The following CRADD variants were observed in gnomAD, a reference collection of about 807,000 sequenced individuals.
CRADD encodes the protein death domain-containing protein CRADD.
Under a neutral mutation model 15.5 loss-of-function variants are expected in CRADD, and 9 were observed. That is an observed-to-expected ratio of 0.58 (90% CI 0.35 to 1.01). The LOEUF (loss-of-function observed/expected upper bound fraction) is 1.01. Ranked by LOEUF, CRADD falls within the 50% of genes least tolerant of loss-of-function variation. The pLI, the probability that CRADD is intolerant of heterozygous loss-of-function variation, is 0.02. For synonymous variants in CRADD, 118 were observed against 107.6 expected (o/e 1.10, Z -0.60); for missense variants, 227 against 250.3 (o/e 0.91, Z 0.63).
intron 2 of CRADD, among the ~76,000 whole-genome samples, chr12:93,858,341 T>A (rs1237164519): frequency 6.6e-6 from 1 of 152,170 alleles, no homozygotes; most frequent in African/African-American, 2.4e-5. Context: ...TATGGGAGCA[T>A]GACGAAGGAC....
intron 2 of CRADD, chr12:93,836,257 A>G (rs1957971651): frequency 6.6e-6 from 1 of 152,228 alleles, no homozygotes; most frequent in Admixed American, 6.5e-5. Flanking sequence ...TGAATCTCTT[A>G]GAGTTGAGTT....
At chr12:93,735,806 G>A (rs1371827543) in intron 2 of CRADD, 2 of 152,184 alleles carry the variant, frequency 1.3e-5, no homozygotes, top group East Asian at 3.9e-4. Flanking sequence ...TAGAACCAGA[G>A]ACACCTAGGT....
At chr12:93,889,897 T>A (rs1958564727) in intron 2 of CRADD, among the ~76,000 whole-genome samples, 1 of 152,158 alleles carries the variant, frequency 6.6e-6, no homozygotes, top group African/African-American at 2.4e-5. Context: ...GAGATTATTT[T>A]TCTAAAAGAC....
chr12:93,678,320 C>A (rs1955204715), intron 1 of CRADD, among the ~76,000 whole-genome samples: 1 of 152,210 alleles, frequency 6.6e-6, no homozygotes, highest in South Asian at 2.1e-4. Context: ...AGGGGACCTG[C>A]GTCCACCTTG....
Position 93,816,383 on chromosome 12 carries a change from A to AT in CRADD, c.299-33572dup, listed in dbSNP as rs61294048. Among the ~76,000 whole-genome samples, 179 of 122,084 alleles carry AT rather than the reference A, an allele frequency of 1.5e-3. 2 individuals are homozygous for AT. The highest frequency in any genetic ancestry group is 9.2e-3 in the Middle Eastern group (2 of 218). The allele number at this position is 122,084 out of a possible 152,430, so 80.1% of individuals were successfully genotyped here. On this transcript the variant is annotated intron_variant, in intron 2 of 2. Transcript: ENST00000332896. Reference sequence around the variant, plus strand: ...AGGCGTGTGCCGTGATGCCTGGCTAATTTTTTTTTTTTTTTGGATTTTTGG... The same window carrying AT: ...AGGCGTGTGCCGTGATGCCTGGCTAATTTTTTTTTTTTTTTTGGATTTTTGG...
At chr12:93,794,000 G>C (rs1441973315) in intron 2 of CRADD, among the ~76,000 whole-genome samples, 2 of 151,924 alleles carry the variant, frequency 1.3e-5, no homozygotes, top group Non-Finnish European at 1.5e-5. Context: ...CCTTTTTAAG[G>C]GTCCCCACCA....
At chr12:93,794,101 T>C (rs930033415) in intron 2 of CRADD, among the ~76,000 whole-genome samples, 1 of 152,182 alleles carries the variant, frequency 6.6e-6, no homozygotes, top group African/African-American at 2.4e-5. Flanking sequence ...TTTTGTTTCT[T>C]GGAGCATTTT....
chr12:93,886,079 TG>T (rs1439244418), intron 2 of CRADD, among the ~76,000 whole-genome samples: 1 of 150,668 alleles, frequency 6.6e-6, no homozygotes, highest in African/African-American at 2.4e-5. Flanking sequence ...TCCCAGGTGC[TG>T]GGCAAAGGTA....
chr12:93,847,677 G>A (rs1374033696), intron 2 of CRADD, among the ~76,000 whole-genome samples: 1 of 152,006 alleles, frequency 6.6e-6, no homozygotes, highest in African/African-American at 2.4e-5. Context: ...AAACAATGGG[G>A]CAAGGGGGCA....
chr12:93,803,655 T>C (rs1045536411), intron 2 of CRADD, among the ~76,000 whole-genome samples: 1 of 151,484 alleles, frequency 6.6e-6, no homozygotes, highest in African/African-American at 2.4e-5. Flanking sequence ...TACTTCCAGC[T>C]GAAATGGAAA....
chr12:93,786,756 A>T (rs1957282261), intron 2 of CRADD, among the ~76,000 whole-genome samples: 1 of 152,142 alleles, frequency 6.6e-6, no homozygotes, highest in African/African-American at 2.4e-5. Flanking sequence ...CACCTTTGAC[A>T]ATGAGGAAAC....
At chr12:93,833,743 A>AT (rs35954014) in intron 2 of CRADD, among the ~76,000 whole-genome samples, 55,007 of 151,800 alleles carry the variant, frequency 0.36, 10,520 homozygotes, top group East Asian at 0.69. Flanking sequence ...TTGAACAAAC[A>AT]TTTTTTCACA....
intron 2 of CRADD, among the ~76,000 whole-genome samples, chr12:93,864,422 CA>C (rs1327898868): frequency 6.6e-6 from 1 of 152,156 alleles, no homozygotes; most frequent in Non-Finnish European, 1.5e-5. Flanking sequence ...AATGTCTGTG[CA>C]AGTACACCAC....
chr12:93,704,811 G>A (rs927311214), intron 2 of CRADD, among the ~76,000 whole-genome samples: 1 of 152,094 alleles, frequency 6.6e-6, no homozygotes, highest in African/African-American at 2.4e-5. Context: ...GCCCAGCACA[G>A]GCCTCCTCTG....
chr12:93,703,042 C>A (rs1363374459), intron 2 of CRADD, among the ~76,000 whole-genome samples: 1 of 152,166 alleles, frequency 6.6e-6, no homozygotes, highest in Non-Finnish European at 1.5e-5. Flanking sequence ...CTAATATAGA[C>A]TCCCAAAGCC....
intron 2 of CRADD, among the ~76,000 whole-genome samples, chr12:93,751,415 A>G (rs2136939827): frequency 6.6e-6 from 1 of 152,360 alleles, no homozygotes; most frequent in East Asian, 1.9e-4. Context: ...TGTTAAGAAA[A>G]TGAAGATTAA....
At chr12:93,746,245 T>C (rs1191377603) in intron 2 of CRADD, among the ~76,000 whole-genome samples, 1 of 152,246 alleles carries the variant, frequency 6.6e-6, no homozygotes, top group Admixed American at 6.5e-5. Flanking sequence ...CATTTGATGC[T>C]TTCTTTCTGC....
intron 2 of CRADD, among the ~76,000 whole-genome samples, chr12:93,792,762 T>C (rs1176111061): frequency 6.6e-6 from 1 of 152,188 alleles, no homozygotes; most frequent in Non-Finnish European, 1.5e-5. Context: ...AAAAGTTAGA[T>C]AACCTCCCAA....
chr12:93,783,228 G>GTATTATTATTAT (rs57260302), intron 2 of CRADD, among the ~76,000 whole-genome samples: 7 of 139,378 alleles, frequency 5.0e-5, no homozygotes, highest in South Asian at 4.7e-4. Context: ...ACAGGTATAG[G>GTATTATTATTAT]TATTATTATT....
Sources: gnomAD v4.1 joint callset for allele counts (sites outside exome capture counted in the v4.1 genomes callset) on GRCh38, gnomAD v4.1.1 for gene constraint, MANE v1.5 for transcripts, NCBI Gene and HGNC (gene_info 2026-07-23, HGNC 2026-07-21) for gene names.